The following PLEKHA1 variants were observed in gnomAD, a reference collection of about 807,000 sequenced individuals.
PLEKHA1 encodes pleckstrin homology domain containing A1.
Under a neutral mutation model 52.0 loss-of-function variants are expected in PLEKHA1, and 34 were observed. The observed-to-expected ratio is 0.65, with a 90% confidence interval of 0.50 to 0.87. The LOEUF is 0.87. PLEKHA1 is among the 40% of genes least tolerant of loss of function. PLEKHA1 has a pLI of 0.00. For missense variants in PLEKHA1, 497 were observed against 504.2 expected, an observed-to-expected ratio of 0.99 and a Z score of 0.14; for synonymous variants, 163 against 170.7, an observed-to-expected ratio of 0.95 and a Z score of 0.35.
intron 1 of PLEKHA1, among the ~76,000 whole-genome samples, chr10:122,386,202 C>T (rs1022711384): frequency 6.6e-6 from 1 of 151,724 alleles, no homozygotes; most frequent in Non-Finnish European, 1.5e-5. Context: ...GTTATAGTAT[C>T]TTGTGGTTTT....
chr10:122,400,714 A>G (rs1464990031), intron 4 of PLEKHA1, among the ~76,000 whole-genome samples: 2 of 152,254 alleles, frequency 1.3e-5, no homozygotes, highest in African/African-American at 4.8e-5. Flanking sequence ...TATATTAAAC[A>G]TATAAATAAT....
chr10:122,390,273 C>T (rs1019003772), intron 1 of PLEKHA1, among the ~76,000 whole-genome samples: 12 of 152,182 alleles, frequency 7.9e-5, no homozygotes, highest in Non-Finnish European at 1.8e-4. Flanking sequence ...GATGTTCTGT[C>T]GAGACCAGTA....
chr10:122,442,598 C>T, the PLEKHA1 span: 2 of 152,134 alleles, frequency 1.3e-5, no homozygotes, highest in Non-Finnish European at 2.9e-5. Context: ...GCAAAAATCA[C>T]CAGACTTCTC....
At chr10:122,436,993 CTTTTTTTTTTT>C (rs34565375), downstream of PLEKHA1, 1 of 84,858 alleles carries the variant, frequency 1.2e-5, no homozygotes, top group Non-Finnish European at 2.1e-5. Flanking sequence ...TTACATCAGC[CTTTTTTTTTTT>C]TTTTTTTTTG....
chr10:122,402,069 G>T (rs185747297), intron 4 of PLEKHA1, among the ~76,000 whole-genome samples: 1 of 152,224 alleles, frequency 6.6e-6, no homozygotes, highest in Admixed American at 6.5e-5. Context: ...AATTGAATGG[G>T]TATTGCAAGT....
intron 7 of PLEKHA1, 138 bp from the exon 8 acceptor site, chr10:122,417,762 C>G: frequency 1.8e-6 from 1 of 567,214 alleles, no homozygotes; most frequent in Non-Finnish European, 3.1e-6. Context: ...TTTAATTTAT[C>G]GCATCTCTAA....
rs2097304833 is a variant in PLEKHA1, at chr10:122,424,183, T to TTG, written c.682-15_682-14insGT. 1 of 1,501,858 alleles carries TTG rather than the reference T, an allele frequency of 6.7e-7. No homozygotes were observed. The highest frequency in any genetic ancestry group is 2.6e-5 in the Admixed American group (1 of 38,170). The allele number at this position is 1,501,858 out of a possible 1,614,324, so 93.0% of individuals were successfully genotyped here. Reference sequence around the variant, plus strand: ...ACATCATGTAACTGTTTTTTTTTTTTTTTTTTTTTTGCCAGGAAAAGGAAC... The same window carrying TTG: ...ACATCATGTAACTGTTTTTTTTTTTTTGTTTTTTTTTTGCCAGGAAAAGGAAC... On this transcript the variant is annotated splice_polypyrimidine_tract_variant and intron_variant, in intron 8 of 11. Transcript: ENST00000368990.
downstream of PLEKHA1, chr10:122,435,204 T>C (rs1232259356): frequency 1.3e-5 from 2 of 152,198 alleles, no homozygotes; most frequent in Non-Finnish European, 2.9e-5. Flanking sequence ...ATATGACAGC[T>C]TAATACCAGA....
In PLEKHA1 at chr10:122,415,887, G is replaced by A; in HGVS notation, c.497G>A (p.Ser166Asn). Residue 166 changes from serine to asparagine, a missense_variant, in exon 7 of 12, where the codon AGT becomes AAT. Coordinates refer to ENST00000368990, the MANE Select transcript of PLEKHA1 (RefSeq NM_001001974.4). The stretch of plus-strand genomic sequence containing the variant: ...GAAGAAGTAAATGAATGTGGTGAAA[G>A]TATTGACAGAAATAATCTGAAACGG... ...QKEEVNECGE[S>N]IDRNNLKRSQ... 1 of 1,612,492 alleles carries A rather than the reference G, an allele frequency of 6.2e-7. No individual in the cohort carries two copies. Among genetic ancestry groups the A allele is most frequent in the Non-Finnish European group, 8.5e-7 (1 of 1,178,878 alleles).
chr10:122,399,542 G>A (rs2096897556), intron 3 of PLEKHA1, among the ~76,000 whole-genome samples: 1 of 151,988 alleles, frequency 6.6e-6, no homozygotes, highest in Non-Finnish European at 1.5e-5. Flanking sequence ...TTAAGATTAA[G>A]ATTAATTCAA....
chr10:122,406,272 A>G (rs185459148), intron 4 of PLEKHA1, among the ~76,000 whole-genome samples: 1 of 152,362 alleles, frequency 6.6e-6, no homozygotes, highest in African/African-American at 2.4e-5. Flanking sequence ...AAATATATGT[A>G]TATGATGTTT....
At chr10:122,381,666 C>T (rs1289160240) in intron 1 of PLEKHA1, among the ~76,000 whole-genome samples, 1 of 152,094 alleles carries the variant, frequency 6.6e-6, no homozygotes, top group Non-Finnish European at 1.5e-5. Context: ...AATTACCCAG[C>T]CTCAGGTAGT....
At chr10:122,377,941 T>G (rs1301715832) in intron 1 of PLEKHA1, among the ~76,000 whole-genome samples, 3 of 152,244 alleles carry the variant, frequency 2.0e-5, no homozygotes, top group Non-Finnish European at 4.4e-5. Context: ...TTAAGATTTT[T>G]TTAAGTTAAA....
At chr10:122,418,895 C>A (rs2097218033) in intron 8 of PLEKHA1, 1 of 152,204 alleles carries the variant, frequency 6.6e-6, no homozygotes, top group Admixed American at 6.5e-5. Flanking sequence ...TTAGAACTTT[C>A]TGCACAAATG....
chr10:122,435,612 T>A (rs534459231), downstream of PLEKHA1: 4 of 152,238 alleles, frequency 2.6e-5, no homozygotes, highest in Non-Finnish European at 4.4e-5. Flanking sequence ...TCACATATAG[T>A]TGTAAGAAAT....
intron 1 of PLEKHA1, among the ~76,000 whole-genome samples, chr10:122,379,147 T>C (rs1315949303): frequency 1.3e-5 from 2 of 152,152 alleles, no homozygotes; most frequent in Admixed American, 1.3e-4. Flanking sequence ...AGCTAAACCT[T>C]TTCCAACCTA....
Position 122,406,604 on chromosome 10 carries a change from C to T in PLEKHA1, c.273C>T (p.Phe91=). 1 of 1,612,994 alleles carries T rather than the reference C, an allele frequency of 6.2e-7. No homozygotes were observed. The highest frequency in any genetic ancestry group is 8.5e-7 in the Non-Finnish European group (1 of 1,179,136). The change falls in exon 5 of 12, where the codon TTC becomes TTT. Residue 91 remains phenylalanine, a synonymous_variant. Transcript: ENST00000368990. ...TGAATGCAGGAATGAGGAAGTACTTCCTACAAGCCAATGATCAGCAGGACC... is the reference window on the plus strand; with the variant it reads ...TGAATGCAGGAATGAGGAAGTACTTTCTACAAGCCAATGATCAGCAGGACC... ...FVMNAGMRKY[F]LQANDQQDLV... is the part of the protein sequence containing the mutation.
At chr10:122,389,679 G>C (rs1019558144) in intron 1 of PLEKHA1, among the ~76,000 whole-genome samples, 3 of 152,078 alleles carry the variant, frequency 2.0e-5, no homozygotes, top group Admixed American at 6.6e-5. Context: ...CACCACTCTA[G>C]CCTGGGTGAC....
intron 7 of PLEKHA1, chr10:122,416,953 T>C (rs1420695187): frequency 2.6e-5 from 4 of 154,360 alleles, no homozygotes; most frequent in African/African-American, 7.2e-5. Flanking sequence ...TACTGTACAA[T>C]GTCTGCAGGT....
Sources: gnomAD v4.1 joint callset for allele counts (sites outside exome capture counted in the v4.1 genomes callset) on GRCh38, gnomAD v4.1.1 for gene constraint, MANE v1.5 for transcripts, NCBI Gene and HGNC (gene_info 2026-07-23, HGNC 2026-07-21) for gene names.